Variants in NUP205 observed in about 807,000 individuals in gnomAD.
NUP205 encodes nuclear pore complex protein Nup205.
In NUP205, 76 loss-of-function variants were observed where a neutral mutation model predicts 253.8. The ratio of observed to expected loss-of-function variants is 0.30; its 90% confidence interval spans 0.25 to 0.36. The LOEUF (loss-of-function observed/expected upper bound fraction) is 0.36. NUP205 is among the 10% of genes least tolerant of loss of function. The pLI is 1.00. For synonymous variants in NUP205, 832 were observed against 850.1 expected, an observed-to-expected ratio of 0.98 and a Z score of 0.37; for missense variants, 2,162 against 2,425.5, an observed-to-expected ratio of 0.89 and a Z score of 2.28.
At chr7:135,631,072 C>T (rs2129492068) in intron 35 of NUP205, among the ~76,000 whole-genome samples, 1 of 150,860 alleles carries the variant, frequency 6.6e-6, no homozygotes, top group East Asian at 2.0e-4. Context: ...TGTGTACGTA[C>T]ATATGAGAAA....
chr7:135,613,336 G>A (rs941636186), intron 22 of NUP205, among the ~76,000 whole-genome samples: 5 of 151,116 alleles, frequency 3.3e-5, no homozygotes, highest in African/African-American at 1.2e-4. Flanking sequence ...TTTAATATAA[G>A]AACTTTTTCT....
Position 135,601,448 on chromosome 7 carries a change from T to C in NUP205, c.2453T>C (p.Leu818Pro). Residue 818 changes from leucine to proline, a missense_variant, in exon 17 of 43, where the codon CTT becomes CCT. Leu to Pro is a moderately conservative substitution (Grantham distance 98, BLOSUM62 -3). Coordinates refer to ENST00000285968, the MANE Select transcript of NUP205 (RefSeq NM_015135.3). ...CTGAATGAGTCACCAATGTTGGAGCTTGCTCTCAGTTTACTGGAAGAAGGA... is the reference window on the plus strand; with the variant it reads ...CTGAATGAGTCACCAATGTTGGAGCCTGCTCTCAGTTTACTGGAAGAAGGA... ...HLLNESPMLE[L>P]ALSLLEEGVK... is the part of the protein sequence containing the mutation. 3 of 1,613,950 alleles carry C rather than the reference T, an allele frequency of 1.9e-6. No individual in the cohort carries two copies. Among genetic ancestry groups the C allele is most frequent in the Middle Eastern group, 3.3e-4 (2 of 6,060 alleles).
rs192091426 is a variant in NUP205 at position 135,588,167 on chromosome 7, G to A, written c.1473+175G>A. Among the ~76,000 whole-genome samples the A allele has an allele frequency of 3.0e-4, 46 of 152,154 alleles. 1 individual carries two copies. The highest frequency in any genetic ancestry group is 9.9e-4 in the African/African-American group (41 of 41,504). On this transcript the variant is annotated intron_variant, in intron 10 of 42. Coordinates refer to ENST00000285968, the MANE Select transcript of NUP205 (RefSeq NM_015135.3). ...ATTTATTTATTTATGTTGAGACAAA[G>A]TCTCACTCTGTCACCTAGGCTGGAG...
intron 1 of NUP205, among the ~76,000 whole-genome samples, chr7:135,567,584 C>A: frequency 6.6e-6 from 1 of 151,660 alleles, no homozygotes; most frequent in Non-Finnish European, 1.5e-5. Context: ...GTACTCCAGC[C>A]TGGGTGACAA....
At position 135,573,960 on chromosome 7, in the gene NUP205, T is replaced by G. The variant is rs1249735601; in HGVS notation, c.343+135T>G. ...GTTTGGTAAAACCATATTCAAAATA[T>G]TTCCTTTTTTAATCTTTGTTGTTTT... On this transcript the variant is annotated intron_variant, in intron 3 of 42. Transcript: ENST00000285968. The G allele has an allele frequency of 4.1e-6, 3 of 736,512 alleles. No individual in the cohort carries two copies. The African/African-American group carries it at 5.4e-5, about 13-fold the overall frequency. The allele number at this position is 736,512 out of a possible 1,614,324, so 45.6% of individuals were successfully genotyped here. A position where few individuals can be genotyped will look rare whatever the true frequency, so the allele number is the denominator to read the frequency against.
intron 38 of NUP205, 106 bp from the exon 39 acceptor site, chr7:135,643,086 A>G: frequency 9.5e-7 from 1 of 1,055,374 alleles, no homozygotes; most frequent in South Asian, 1.6e-5. Flanking sequence ...ATGACAGGTT[A>G]CATGTCCTTA....
At chr7:135,563,108 A>C (rs924042473) in intron 1 of NUP205, among the ~76,000 whole-genome samples, 2 of 152,006 alleles carry the variant, frequency 1.3e-5, no homozygotes, top group Admixed American at 6.6e-5. Flanking sequence ...AGAGTCCCCT[A>C]TTATGTGATC....
rs111398150 is a variant in NUP205 at position 135,618,229 on chromosome 7, C to T, written c.3772-183C>T. On this transcript the variant is annotated intron_variant, in intron 27 of 42. Transcript: ENST00000285968. ...CTGTCCCCTACCTTTCATGCACATACACACACATACACACCTTATATGTTA... is the reference window on the plus strand; with the variant it reads ...CTGTCCCCTACCTTTCATGCACATATACACACATACACACCTTATATGTTA... Among the ~76,000 whole-genome samples the T allele has an allele frequency of 0.014, 2,082 of 152,254 alleles. 46 individuals carry two copies. Among genetic ancestry groups the T allele is most frequent in the African/African-American group, 0.048 (1,976 of 41,508 alleles).
At chr7:135,558,069 C>T (rs774812240) in intron 1 of NUP205, 97 bp downstream of exon 1, 2 of 1,031,020 alleles carry the variant, frequency 1.9e-6, no homozygotes, top group Admixed American at 3.4e-5. Context: ...TAGGACCCCA[C>T]TTATGTGCGG....
intron 7 of NUP205, among the ~76,000 whole-genome samples, chr7:135,582,221 G>C (rs1440591737): frequency 1.3e-5 from 2 of 152,170 alleles, no homozygotes; most frequent in Non-Finnish European, 2.9e-5. Context: ...GGAGGCAGAA[G>C]TTGCAGTGAG....
At position 135,577,875 on chromosome 7, in the gene NUP205, A is replaced by C; in HGVS notation, c.728A>C (p.Lys243Thr). 6.2e-7 allele frequency: 1 copy of C among 1,614,112 alleles called. No individual in the cohort carries two copies. The highest frequency in any genetic ancestry group is 8.5e-7 in the Non-Finnish European group (1 of 1,179,996). ...FAWACQSPLG[K>T]EDTLLLIGHL... ...TGGGCTTGCCAGTCACCTTTAGGCA[A>C]AGAAGACACTCTCCTCCTCATTGGA... The change falls in exon 6 of 43, where the codon AAA (lysine) becomes ACA (threonine). Residue 243 changes from lysine to threonine, a missense_variant. Physicochemically the swap from Lys to Thr is moderately conservative, Grantham distance 78. Transcript: ENST00000285968.
intron 17 of NUP205, among the ~76,000 whole-genome samples, 196 bp downstream of exon 17, chr7:135,601,703 TCTCA>T (rs1793968049): frequency 6.6e-6 from 1 of 152,200 alleles, no homozygotes; most frequent in Non-Finnish European, 1.5e-5. Flanking sequence ...ACAGAGAGAA[TCTCA>T]CTGTCACTGT....
chr7:135,644,416 A>T lies in NUP205; in HGVS notation c.5560-479A>T, dbSNP rs767346909. Among the ~76,000 whole-genome samples, 18 of 152,340 alleles carry T rather than the reference A, an allele frequency of 1.2e-4. 1 individual carries two copies. Among genetic ancestry groups the T allele is most frequent in the Admixed American group, 1.2e-3 (18 of 15,294 alleles). ...CTTCTGTGGAACCCAGCATCAGAAC[A>T]TTAGCTGGAACAACTGTGCTTGTGT... On this transcript the variant is annotated intron_variant, in intron 39 of 42. Transcript: ENST00000285968.
chr7:135,641,729 G>A (rs971808857), intron 38 of NUP205, among the ~76,000 whole-genome samples: 2 of 152,002 alleles, frequency 1.3e-5, no homozygotes, highest in Non-Finnish European at 2.9e-5. Flanking sequence ...GAGCCCAGGA[G>A]GTTGAGGTTG....
intron 3 of NUP205, 145 bp downstream of exon 3, chr7:135,573,970 T>A (rs1563111732): frequency 4.2e-6 from 3 of 719,466 alleles, no homozygotes; most frequent in Non-Finnish European, 6.6e-6. Context: ...TTTCCTTTTT[T>A]AATCTTTGTT....
chr7:135,627,254 G>A (rs1794611329), intron 33 of NUP205, among the ~76,000 whole-genome samples: 1 of 151,996 alleles, frequency 6.6e-6, no homozygotes, highest in South Asian at 2.1e-4. Flanking sequence ...TTATTAATAC[G>A]ATGTTCTGAG....
intron 1 of NUP205, among the ~76,000 whole-genome samples, chr7:135,558,384 A>C (rs554024321): frequency 6.6e-6 from 1 of 152,176 alleles, no homozygotes; most frequent in Non-Finnish European, 1.5e-5. Flanking sequence ...TAGGCGTCGG[A>C]GTTCCTTATA....
At chr7:135,629,602 C>G (rs1306350499) in intron 34 of NUP205, among the ~76,000 whole-genome samples, 1 of 151,632 alleles carries the variant, frequency 6.6e-6, no homozygotes, top group Non-Finnish European at 1.5e-5. Flanking sequence ...TTCCAGCTCA[C>G]TGCAACCTCC....
chr7:135,578,085 C>A, intron 6 of NUP205, 61 bp downstream of exon 6: 3 of 1,251,914 alleles, frequency 2.4e-6, no homozygotes, highest in Non-Finnish European at 3.5e-6. Flanking sequence ...GTGGGGATAA[C>A]ATTTAAAAAG....
Sources: allele counts gnomAD v4.1 joint callset (sites outside exome capture counted in the v4.1 genomes callset), GRCh38; gene constraint gnomAD v4.1.1; transcripts MANE v1.5; gene names NCBI Gene and HGNC (gene_info 2026-07-23, HGNC 2026-07-21).